Variants in PPARG observed in about 807,000 individuals in gnomAD.
PPARG encodes peroxisome proliferator-activated receptor gamma.
In PPARG, 17 loss-of-function variants were observed where a neutral mutation model predicts 39.2. The observed-to-expected ratio is 0.43, with a 90% CI of 0.30 to 0.65. The LOEUF (loss-of-function observed/expected upper bound fraction) is 0.65. Among genes scored for constraint, PPARG ranks in the 30% least tolerant of loss-of-function variants. The probability of loss-of-function intolerance (pLI) is 0.13; values close to 1 mark genes in which losing one functional copy is unlikely to be tolerated. For missense variants in PPARG, 406 were observed against 585.9 expected (o/e 0.69, Z 3.17); for synonymous variants, 223 against 215.7 (o/e 1.03, Z -0.30).
intron 2 of PPARG, among the ~76,000 whole-genome samples, chr3:12,355,531 G>C (rs2048634221): frequency 1.3e-5 from 2 of 151,954 alleles, no homozygotes; most frequent in Admixed American, 1.3e-4. Context: ...TATGGCTCTA[G>C]CTTTATCATT....
At chr3:12,426,408 G>A (rs989700292) in intron 7 of PPARG, among the ~76,000 whole-genome samples, 2 of 152,114 alleles carry the variant, frequency 1.3e-5, no homozygotes. Context: ...AGCAGTAAAC[G>A]ACATTGCTCC....
intron 1 of PPARG, among the ~76,000 whole-genome samples, chr3:12,299,654 T>C (rs2046878948): frequency 6.6e-6 from 1 of 152,212 alleles, no homozygotes; most frequent in South Asian, 2.1e-4. Context: ...ATTTTTATAA[T>C]GTTTTCACAG....
chr3:12,351,612 A>T, intron 2 of PPARG: 2 of 1,609,486 alleles, frequency 1.2e-6, no homozygotes, highest in Non-Finnish European at 1.7e-6. Context: ...ACTCTGGGAG[A>T]TTCTCCTATT....
At chr3:12,379,321 A>G (rs1479143956) in intron 2 of PPARG, among the ~76,000 whole-genome samples, 3 of 152,168 alleles carry the variant, frequency 2.0e-5, no homozygotes, top group Admixed American at 6.5e-5. Context: ...CCTTAAGTTT[A>G]AAAATTTTTG....
At chr3:12,340,500 T>A (rs952064985) in intron 2 of PPARG, among the ~76,000 whole-genome samples, 5 of 152,314 alleles carry the variant, frequency 3.3e-5, no homozygotes, top group Admixed American at 2.6e-4. Flanking sequence ...ATCCCCTCCT[T>A]CCCTCTGTGT....
At chr3:12,324,050 G>A (rs112540144) in intron 2 of PPARG, among the ~76,000 whole-genome samples, 6 of 152,198 alleles carry the variant, frequency 3.9e-5, no homozygotes, top group East Asian at 1.9e-4. Flanking sequence ...AGGCTAAAGC[G>A]TGTGAATCAC....
rs574089965 is a variant in PPARG, at chr3:12,357,329, T to C, written c.-8-22375T>C. On this transcript the variant is annotated intron_variant, in intron 2 of 7. Coordinates refer to ENST00000651735, the MANE Select transcript of PPARG (RefSeq NM_138711.6). ...GCTCCAAGCACGCCGGCCTCCTTGC[T>C]GTTCCTTCCACATTCCAGATGCTCT... Among the ~76,000 whole-genome samples, 403 of 152,304 alleles carry C rather than the reference T, an allele frequency of 2.6e-3. 2 individuals are homozygous for C. Among genetic ancestry groups the C allele is most frequent in the South Asian group, 0.014 (68 of 4,828 alleles).
At chr3:12,288,595 C>T (rs1030100222), upstream of PPARG, among the ~76,000 whole-genome samples, 2 of 152,130 alleles carry the variant, frequency 1.3e-5, no homozygotes, top group Admixed American at 1.3e-4. Context: ...GGCACCCCTG[C>T]TGAGGAGGAG....
chr3:12,426,224 G>T (rs1298220752), intron 7 of PPARG, among the ~76,000 whole-genome samples: 1 of 152,232 alleles, frequency 6.6e-6, no homozygotes. Flanking sequence ...AATTAAATGT[G>T]AAACTGTTAT....
chr3:12,303,516 A>G lies in PPARG; in HGVS notation c.-82-8864A>G, dbSNP rs572264768. 3.9e-5 allele frequency among the ~76,000 whole-genome samples: 6 copies of G among 152,206 alleles called. No homozygotes were observed. The South Asian group carries it at 1.0e-3, about 26-fold the overall frequency. On this transcript the variant is annotated intron_variant, in intron 1 of 7. Coordinates refer to ENST00000651735, the MANE Select transcript of PPARG (RefSeq NM_138711.6). Reference sequence around the variant, plus strand: ...GTGCCTGGCCAGGCAGTCATGTTTTATGGCTCCTTTACAGTGTTCCACCCC... The same window carrying G: ...GTGCCTGGCCAGGCAGTCATGTTTTGTGGCTCCTTTACAGTGTTCCACCCC...
chr3:12,371,914 C>G (rs781181193), intron 2 of PPARG: 27 of 711,298 alleles, frequency 3.8e-5, no homozygotes, highest in Non-Finnish European at 6.5e-5. Flanking sequence ...TAGTAAATTC[C>G]CAGGTCAGTT....
intron 1 of PPARG, among the ~76,000 whole-genome samples, chr3:12,304,066 C>T (rs538033462): frequency 1.1e-4 from 17 of 152,322 alleles, no homozygotes; most frequent in African/African-American, 3.6e-4. Context: ...TCTCTAATGC[C>T]TTCTCAGACA....
intron 1 of PPARG, among the ~76,000 whole-genome samples, chr3:12,303,262 T>C (rs186699315): frequency 2.6e-3 from 402 of 152,048 alleles, no homozygotes; most frequent in African/African-American, 8.9e-3. Context: ...AGTGGCACGA[T>C]CTTGACTCAC....
At chr3:12,378,974 GT>G (rs1367200930) in intron 2 of PPARG, among the ~76,000 whole-genome samples, 1 of 151,882 alleles carries the variant, frequency 6.6e-6, no homozygotes, top group Admixed American at 6.6e-5. Context: ...TGTTTTGTTT[GT>G]TTTTTGGTTT....
At chr3:12,335,755 T>G (rs1323800743) in intron 2 of PPARG, among the ~76,000 whole-genome samples, 8 of 152,168 alleles carry the variant, frequency 5.3e-5, no homozygotes, top group African/African-American at 1.9e-4. Flanking sequence ...CACCACGTTC[T>G]AATTACAGAT....
At chr3:12,358,492 C>A (rs928600241) in intron 2 of PPARG, among the ~76,000 whole-genome samples, 11 of 152,194 alleles carry the variant, frequency 7.2e-5, no homozygotes, top group African/African-American at 1.9e-4. Context: ...TCTCATTATT[C>A]TTATTATTTT....
chr3:12,343,449 C>T (rs1253715833), intron 2 of PPARG, among the ~76,000 whole-genome samples: 1 of 152,152 alleles, frequency 6.6e-6, no homozygotes, highest in Non-Finnish European at 1.5e-5. Flanking sequence ...CCCTTCTCTG[C>T]CTCTTATTAG....
intron 2 of PPARG, among the ~76,000 whole-genome samples, chr3:12,348,337 C>T (rs2048384765): frequency 6.6e-6 from 1 of 152,110 alleles, no homozygotes; most frequent in Non-Finnish European, 1.5e-5. Flanking sequence ...CCTAAAAGTA[C>T]CAAAGTGTGA....
At chr3:12,393,888 C>G (rs1189441734) in intron 5 of PPARG, among the ~76,000 whole-genome samples, 2 of 152,118 alleles carry the variant, frequency 1.3e-5, no homozygotes, top group Non-Finnish European at 2.9e-5. Flanking sequence ...AAAATTCTAT[C>G]TGTATGATTA....
Sources: allele counts gnomAD v4.1 joint callset (sites outside exome capture counted in the v4.1 genomes callset), GRCh38; gene constraint gnomAD v4.1.1; transcripts MANE v1.5; gene names NCBI Gene and HGNC (gene_info 2026-07-23, HGNC 2026-07-21).